The following CFAP47 variants were observed in gnomAD, a reference collection of about 807,000 sequenced individuals.
CFAP47 encodes the protein cilia and flagella associated protein 47, also known as cilia- and flagella-associated protein 47.
A neutral mutation model predicts 148.1 loss-of-function variants in CFAP47; 29 were observed. That is an observed-to-expected ratio of 0.20 (90% CI 0.15 to 0.27). The LOEUF (loss-of-function observed/expected upper bound fraction) is 0.27, where lower values mean the gene tolerates loss of function less well. Ranked by LOEUF, CFAP47 falls within the 10% of genes least tolerant of loss-of-function variation. The pLI is 1.00. For missense variants in CFAP47, 1,872 were observed against 1,697.5 expected (o/e 1.10, Z -1.81); for synonymous variants, 664 against 577.3 (o/e 1.15, Z -2.15).
chrX:36,318,420 A>C (rs180865562), intron 56 of CFAP47, among the ~76,000 whole-genome samples: 13 of 111,930 alleles, frequency 1.2e-4, no homozygotes, highest in African/African-American at 4.2e-4. Flanking sequence ...GATAGATTTC[A>C]GAACCCCCAA....
chrX:35,980,838 A>G (rs1312228716), intron 15 of CFAP47, among the ~76,000 whole-genome samples: 1 of 110,216 alleles, frequency 9.1e-6, no homozygotes, highest in African/African-American at 3.3e-5. Context: ...CCCTCCTCCT[A>G]TGTACTTGAA....
At chrX:36,355,139 T>C (rs190749602) in intron 60 of CFAP47, among the ~76,000 whole-genome samples, 16 of 111,201 alleles carry the variant, frequency 1.4e-4, no homozygotes, top group Non-Finnish European at 2.3e-4. Flanking sequence ...ATATCACTAA[T>C]TAGGGAAATA....
At chrX:35,974,737 G>T (rs1044884322) in intron 13 of CFAP47, among the ~76,000 whole-genome samples, 3 of 111,293 alleles carry the variant, frequency 2.7e-5, no homozygotes, top group Non-Finnish European at 5.7e-5. Context: ...AAAATCCTGG[G>T]CATTTTAAGG....
intron 57 of CFAP47, among the ~76,000 whole-genome samples, chrX:36,333,445 C>T (rs1556014350): frequency 1.8e-5 from 2 of 110,825 alleles, no homozygotes; most frequent in Non-Finnish European, 1.9e-5. Flanking sequence ...CAATCCTGGG[C>T]GTGGAGGTAG....
intron 28 of CFAP47, 49 bp downstream of exon 28, chrX:36,072,020 A>T (rs773571950): frequency 3.0e-5 from 29 of 962,857 alleles, no homozygotes; most frequent in Middle Eastern, 2.9e-4. Flanking sequence ...CCATGACATG[A>T]TCTCCTTAAT....
intron 49 of CFAP47, among the ~76,000 whole-genome samples, chrX:36,258,465 A>C (rs1940779871): frequency 8.9e-6 from 1 of 111,829 alleles, no homozygotes; most frequent in Admixed American, 9.5e-5. Context: ...CTACATTTAC[A>C]TATCCTGAAT....
chrX:36,359,503 A>T (rs1941810604), intron 60 of CFAP47, among the ~76,000 whole-genome samples: 1 of 111,949 alleles, frequency 8.9e-6, no homozygotes, highest in African/African-American at 3.2e-5. Flanking sequence ...TTTTCTAAAT[A>T]CTTTCTTTTA....
chrX:36,099,934 T>C, intron 32 of CFAP47, 55 bp downstream of exon 32: 1 of 625,862 alleles, frequency 1.6e-6, no homozygotes, highest in East Asian at 3.5e-5. Flanking sequence ...GAATCATATG[T>C]TAATTAAAGT....
Position 36,021,051 on chromosome X carries a change from C to T in CFAP47, c.3556+6139C>T, listed in dbSNP as rs192642774. On this transcript the variant is annotated intron_variant, in intron 22 of 63. Transcript: ENST00000378653. The stretch of plus-strand genomic sequence containing the variant: ...GTATCTGATAACCTTTCCTTTTAAG[C>T]TAATAACAAGGTAACACTATTTGCA... Among the ~76,000 whole-genome samples, 12 of 110,760 alleles carry T rather than the reference C, an allele frequency of 1.1e-4. No homozygotes were observed. In the East Asian group the frequency reaches 2.8e-3, roughly 26 times the overall value.
At chrX:35,952,869 A>G (rs1223130353) in intron 6 of CFAP47, among the ~76,000 whole-genome samples, 1 of 112,020 alleles carries the variant, frequency 8.9e-6, no homozygotes, top group Non-Finnish European at 1.9e-5. Flanking sequence ...AATCATAGGT[A>G]TATGTATGAT....
At chrX:35,986,931 C>T (rs929330151) in intron 15 of CFAP47, among the ~76,000 whole-genome samples, 4 of 111,521 alleles carry the variant, frequency 3.6e-5, no homozygotes, top group Middle Eastern at 4.6e-3. Flanking sequence ...GTATCACCAG[C>T]GGAGGCTGCA....
chrX:36,340,728 G>A (rs1361608524), intron 57 of CFAP47, among the ~76,000 whole-genome samples: 2 of 111,200 alleles, frequency 1.8e-5, no homozygotes, highest in Non-Finnish European at 3.8e-5. Flanking sequence ...TTTTTATGTT[G>A]GGGGCACAAT....
chrX:36,366,809 T>G (rs1431615930), intron 61 of CFAP47, among the ~76,000 whole-genome samples, 157 bp from the exon 62 acceptor site: 1 of 112,309 alleles, frequency 8.9e-6, no homozygotes, highest in Non-Finnish European at 1.9e-5. Context: ...GAAATGTAAT[T>G]AAAAGTCATT....
chrX:36,126,888 A>G (rs1442487813), intron 33 of CFAP47, among the ~76,000 whole-genome samples: 1 of 112,366 alleles, frequency 8.9e-6, no homozygotes. Flanking sequence ...GGCTGCATAA[A>G]TGTCTTCTTT....
chrX:36,382,424 T>C (rs1556024301), intron 63 of CFAP47, among the ~76,000 whole-genome samples: 1 of 111,542 alleles, frequency 9.0e-6, no homozygotes, highest in Non-Finnish European at 1.9e-5. Flanking sequence ...AGGTACAAAA[T>C]TGATCTATGA....
At chrX:36,288,999 C>A (rs1363076150) in intron 51 of CFAP47, among the ~76,000 whole-genome samples, 2 of 66,473 alleles carry the variant, frequency 3.0e-5, no homozygotes, top group African/African-American at 1.2e-4. Flanking sequence ...TTCTTTCATC[C>A]TTTTTTTTTT....
chrX:36,297,351 C>T (rs1298632310), intron 51 of CFAP47, among the ~76,000 whole-genome samples: 2 of 111,918 alleles, frequency 1.8e-5, no homozygotes, highest in Non-Finnish European at 3.8e-5. Flanking sequence ...AATTTTTTGT[C>T]ACCCCTGTAA....
At chrX:36,105,602 G>C in intron 33 of CFAP47, among the ~76,000 whole-genome samples, 1 of 111,628 alleles carries the variant, frequency 9.0e-6, no homozygotes, top group Non-Finnish European at 1.9e-5. Flanking sequence ...GTTGGTATTT[G>C]AGAACAGCAA....
intron 17 of CFAP47, among the ~76,000 whole-genome samples, chrX:35,992,324 C>G (rs1324287978): frequency 9.0e-6 from 1 of 110,548 alleles, no homozygotes; most frequent in Non-Finnish European, 1.9e-5. Flanking sequence ...CAAGGCCATT[C>G]TGGAGAGAGT....
Sources: gnomAD v4.1 joint callset for allele counts (sites outside exome capture counted in the v4.1 genomes callset) on GRCh38, gnomAD v4.1.1 for gene constraint, MANE v1.5 for transcripts, NCBI Gene and HGNC (gene_info 2026-07-23, HGNC 2026-07-21) for gene names.